Variants in LRMDA observed in about 807,000 individuals in gnomAD.
The protein encoded by LRMDA is leucine rich melanocyte differentiation associated.
A neutral mutation model predicts 29.8 loss-of-function variants in LRMDA; 18 were observed. The ratio of observed to expected loss-of-function variants is 0.60; its 90% confidence interval spans 0.42 to 0.90. The LOEUF is 0.90. Ranked by LOEUF, LRMDA falls within the 40% of genes least tolerant of loss-of-function variation. The pLI, the probability that LRMDA is intolerant of heterozygous loss-of-function variation, is 0.00. For synonymous variants in LRMDA, 125 were observed against 109.4 expected (o/e 1.14, Z -0.89); for missense variants, 273 against 273.9 (o/e 1.00, Z 0.02).
chr10:76,253,297 A>G (rs1486693561), intron 5 of LRMDA, among the ~76,000 whole-genome samples: 1 of 152,208 alleles, frequency 6.6e-6, no homozygotes, highest in Non-Finnish European at 1.5e-5. Context: ...TCATGGATCA[A>G]CATTTTTTTG....
At chr10:76,238,642 G>C (rs925712563) in intron 5 of LRMDA, among the ~76,000 whole-genome samples, 4 of 151,818 alleles carry the variant, frequency 2.6e-5, no homozygotes, top group African/African-American at 7.3e-5. Context: ...GTCCCTAATT[G>C]GATAAATAAA....
chr10:75,984,914 A>AGGCCTG (rs921225453), intron 2 of LRMDA, among the ~76,000 whole-genome samples: 68 of 152,336 alleles, frequency 4.5e-4, no homozygotes, highest in Admixed American at 7.8e-4. Flanking sequence ...TCCAAGTCCA[A>AGGCCTG]GGCCTGAAAA....
At chr10:76,204,688 C>T (rs932650493) in intron 5 of LRMDA, among the ~76,000 whole-genome samples, 1 of 152,226 alleles carries the variant, frequency 6.6e-6, no homozygotes, top group Non-Finnish European at 1.5e-5. Flanking sequence ...TCTAAAATGT[C>T]CTAGAAAAGC....
At chr10:76,340,248 G>A (rs1841022900) in intron 6 of LRMDA, among the ~76,000 whole-genome samples, 1 of 152,026 alleles carries the variant, frequency 6.6e-6, no homozygotes, top group Non-Finnish European at 1.5e-5. Flanking sequence ...AGGCATGGTG[G>A]CTCACGCCTG....
chr10:75,507,730 AAC>A (rs1245481218), intron 2 of LRMDA, among the ~76,000 whole-genome samples: 3 of 152,240 alleles, frequency 2.0e-5, no homozygotes, highest in Non-Finnish European at 2.9e-5. Context: ...CTTCCAAACA[AAC>A]ACAGAATAGT....
intron 2 of LRMDA, among the ~76,000 whole-genome samples, chr10:75,981,928 C>A (rs1306184051): frequency 6.6e-6 from 1 of 151,894 alleles, no homozygotes; most frequent in African/African-American, 2.4e-5. Context: ...CTTTCATACA[C>A]CAGGTACAGC....
At chr10:75,497,177 T>C (rs890281435) in intron 2 of LRMDA, among the ~76,000 whole-genome samples, 15 of 152,192 alleles carry the variant, frequency 9.9e-5, no homozygotes, top group Non-Finnish European at 2.2e-4. Context: ...CACAGCTCCA[T>C]GGTTTCCAAG....
chr10:75,570,411 T>C (rs1026433816), intron 2 of LRMDA, among the ~76,000 whole-genome samples: 9 of 152,252 alleles, frequency 5.9e-5, no homozygotes, highest in Non-Finnish European at 1.5e-5. Context: ...ATTTACCTTA[T>C]GAGATTCATA....
At chr10:76,423,121 G>A (rs537329699) in intron 6 of LRMDA, among the ~76,000 whole-genome samples, 12 of 152,210 alleles carry the variant, frequency 7.9e-5, no homozygotes, top group African/African-American at 2.9e-4. Context: ...GAGGCCAGGC[G>A]TAGTGGCACA....
chr10:75,942,839 C>A (rs9415137), intron 2 of LRMDA, among the ~76,000 whole-genome samples: 12 of 152,148 alleles, frequency 7.9e-5, no homozygotes, highest in African/African-American at 2.4e-4. Context: ...ACATTGCTCT[C>A]TCTGTAACTA....
At chr10:75,794,381 A>G (rs1843617791) in intron 2 of LRMDA, among the ~76,000 whole-genome samples, 2 of 152,198 alleles carry the variant, frequency 1.3e-5, no homozygotes, top group African/African-American at 4.8e-5. Flanking sequence ...GTCATTATGG[A>G]TAAAGCTATG....
intron 2 of LRMDA, among the ~76,000 whole-genome samples, chr10:75,731,240 C>T (rs1842693146): frequency 6.6e-6 from 1 of 152,200 alleles, no homozygotes; most frequent in South Asian, 2.1e-4. Flanking sequence ...AACTTCACAA[C>T]TTTCTGATAT....
chr10:75,692,434 C>A (rs1842178356), intron 2 of LRMDA, among the ~76,000 whole-genome samples: 1 of 150,176 alleles, frequency 6.7e-6, no homozygotes, highest in East Asian at 2.0e-4. Context: ...TATATATACA[C>A]ACATACATAT....
chr10:76,244,591 G>C lies in LRMDA; in HGVS notation c.517-79810G>C, dbSNP rs939366362. 2.0e-4 allele frequency among the ~76,000 whole-genome samples: 30 copies of C among 152,270 alleles called. No homozygotes were observed. The East Asian group carries it at 5.8e-3, about 29-fold the overall frequency. ...TCCACATTGTAGCTGCAGTGTGGCT[G>C]GCCAGCTGGGGTCTGTTTCCTTCAC... On this transcript the variant is annotated intron_variant, in intron 5 of 6. Transcript: ENST00000611255.
intron 5 of LRMDA, among the ~76,000 whole-genome samples, chr10:76,148,251 A>G (rs971048896): frequency 1.3e-5 from 2 of 152,188 alleles, no homozygotes; most frequent in Admixed American, 6.5e-5. Flanking sequence ...GGTTACTGCT[A>G]TCTTTTTGTT....
chr10:76,460,463 G>C (rs770082041), intron 6 of LRMDA, among the ~76,000 whole-genome samples: 19 of 152,228 alleles, frequency 1.2e-4, no homozygotes, highest in Non-Finnish European at 2.4e-4. Flanking sequence ...CCAGCATGCA[G>C]CCAAGATGGA....
At chr10:75,592,915 C>T (rs1840741880) in intron 2 of LRMDA, among the ~76,000 whole-genome samples, 2 of 152,124 alleles carry the variant, frequency 1.3e-5, no homozygotes, top group African/African-American at 4.8e-5. Flanking sequence ...TGCCTGGAGT[C>T]GAGTTTCTTC....
At chr10:75,801,119 T>C (rs1843737980) in intron 2 of LRMDA, among the ~76,000 whole-genome samples, 1 of 152,250 alleles carries the variant, frequency 6.6e-6, no homozygotes, top group Non-Finnish European at 1.5e-5. Context: ...TTTTTAATGA[T>C]GGACAGCTTA....
rs955431511 is a variant in LRMDA, at chr10:76,229,315, G to A, written c.517-95086G>A. Among the ~76,000 whole-genome samples the A allele has an allele frequency of 3.3e-5, 5 of 152,186 alleles. No individual in the cohort carries two copies. The East Asian group carries it at 7.7e-4, about 23-fold the overall frequency. On this transcript the variant is annotated intron_variant, in intron 5 of 6. Transcript: ENST00000611255. ...ACCCCGTGAGATTCGAAGCTTATAT[G>A]CCCTTCTCCATGGGAGAGAGTAGTG... is the stretch of plus-strand genomic sequence containing the variant.
Sources: allele counts gnomAD v4.1 joint callset (sites outside exome capture counted in the v4.1 genomes callset), GRCh38; gene constraint gnomAD v4.1.1; transcripts MANE v1.5; gene names NCBI Gene and HGNC (gene_info 2026-07-23, HGNC 2026-07-21).